GALNT9: variants seen among roughly 807,000 people sequenced by gnomAD.
The protein encoded by GALNT9 is polypeptide N-acetylgalactosaminyltransferase 9, also known as GalNAc transferase 9.
In GALNT9, 47 loss-of-function variants were observed where a neutral mutation model predicts 63.1. The ratio of observed to expected loss-of-function variants is 0.75; its 90% CI spans 0.59 to 0.95. The LOEUF (loss-of-function observed/expected upper bound fraction) is 0.95, where lower values mean the gene tolerates loss of function less well. GALNT9 is among the 40% of genes least tolerant of loss of function. The probability of loss-of-function intolerance (pLI) is 0.00; values close to 1 mark genes in which losing one functional copy is unlikely to be tolerated. For missense variants in GALNT9, 829 were observed against 874.8 expected, an observed-to-expected ratio of 0.95 and a Z score of 0.66; for synonymous variants, 396 against 365.7, an observed-to-expected ratio of 1.08 and a Z score of -0.94.
Position 132,237,864 on chromosome 12 carries a change from C to A in GALNT9, c.1077+10046G>T, listed in dbSNP as rs1878063021. Among the ~76,000 whole-genome samples, 5 of 152,248 alleles carry A rather than the reference C, an allele frequency of 3.3e-5. No homozygotes were observed. In the South Asian group the frequency reaches 1.0e-3, roughly 32 times the overall value. On this transcript the variant is annotated intron_variant, in intron 6 of 10. Coordinates refer to ENST00000328957, the MANE Select transcript of GALNT9 (RefSeq NM_001122636.2). ...TGCGGTGGAGGTTGGGGGGTGGAAC[C>A]CTCCATCTGTGGCATGTGACCCAAA...
intron 8 of GALNT9, 48 bp from the exon 9 acceptor site, chr12:132,199,317 G>GCCCCAGGGAGCA (rs753649234): frequency 1.5e-6 from 2 of 1,373,380 alleles, no homozygotes; most frequent in African/African-American, 2.8e-5. Context: ...CCGAGGGTGC[G>GCCCCAGGGAGCA]GCCCCAGGGA....
chr12:132,271,204 G>T (rs1226081987), intron 2 of GALNT9, among the ~76,000 whole-genome samples: 4 of 152,076 alleles, frequency 2.6e-5, no homozygotes, highest in Non-Finnish European at 4.4e-5. Flanking sequence ...TGAACAGCCT[G>T]TGTGTGTCTC....
intron 2 of GALNT9, among the ~76,000 whole-genome samples, chr12:132,268,785 C>T (rs1357740129): frequency 6.6e-6 from 1 of 152,156 alleles, no homozygotes; most frequent in Non-Finnish European, 1.5e-5. Flanking sequence ...CGCAGGTGCC[C>T]CCCTCGGCGG....
At chr12:132,210,033 C>G (rs73166851) in intron 6 of GALNT9, among the ~76,000 whole-genome samples, 3 of 152,180 alleles carry the variant, frequency 2.0e-5, no homozygotes, top group Non-Finnish European at 4.4e-5. Context: ...GATGGGGACC[C>G]CTTTCTGGTC....
chr12:132,222,376 A>G (rs1455453048), intron 6 of GALNT9, among the ~76,000 whole-genome samples: 41 of 152,042 alleles, frequency 2.7e-4, no homozygotes, highest in South Asian at 2.1e-4. Context: ...CCAGGAGTTC[A>G]AGGCCAGCCT....
chr12:132,235,186 G>T (rs1003239259), intron 6 of GALNT9, among the ~76,000 whole-genome samples: 15 of 150,380 alleles, frequency 1.0e-4, no homozygotes, highest in African/African-American at 3.7e-4. Context: ...AGCCCCTAGT[G>T]CCACACACTC....
intron 5 of GALNT9, among the ~76,000 whole-genome samples, chr12:132,248,708 C>A (rs1878806253): frequency 6.6e-6 from 1 of 152,248 alleles, no homozygotes; most frequent in Non-Finnish European, 1.5e-5. Context: ...ACAGCCTGTG[C>A]AGCTATGTGC....
chr12:132,196,742 C>G lies in GALNT9; in HGVS notation c.*365G>C. On this transcript the variant is annotated 3_prime_UTR_variant, in exon 11 of 11. Coordinates refer to ENST00000328957, the MANE Select transcript of GALNT9 (RefSeq NM_001122636.2). ...CGGGTGGAAGACACCAGGGTGCAGC[C>G]TGGTGCATGGTCCGGGGCTTGGCCT... 9.7e-7 allele frequency: 1 copy of G among 1,033,448 alleles called. No homozygotes were observed. The highest frequency in any genetic ancestry group is 1.7e-5 in the African/African-American group (1 of 58,590). The allele number at this position is 1,033,448 out of a possible 1,614,324, so 64.0% of individuals were successfully genotyped here. A position where few individuals can be genotyped will look rare whatever the true frequency, so the allele number is the denominator to read the frequency against.
intron 2 of GALNT9, chr12:132,274,438 G>C (rs1394144239): frequency 3.3e-5 from 5 of 152,300 alleles, no homozygotes; most frequent in Non-Finnish European, 5.9e-5. Flanking sequence ...CTGCTGCTCT[G>C]CCTCTCCCAC....
intron 1 of GALNT9, among the ~76,000 whole-genome samples, chr12:132,290,716 T>C (rs1301179705): frequency 1.9e-4 from 6 of 31,064 alleles, no homozygotes; most frequent in Admixed American, 6.8e-4. Context: ...CACGTCCACA[T>C]CACCCACGTC....
At chr12:132,249,598 CA>C (rs1463238221) in intron 5 of GALNT9, among the ~76,000 whole-genome samples, 2 of 152,190 alleles carry the variant, frequency 1.3e-5, no homozygotes, top group Admixed American at 6.5e-5. Context: ...TCATATACAA[CA>C]GGTATTTCTC....
At chr12:132,290,306 C>T (rs972729138) in intron 1 of GALNT9, among the ~76,000 whole-genome samples, 12 of 152,154 alleles carry the variant, frequency 7.9e-5, no homozygotes, top group Admixed American at 3.3e-4. Context: ...ACAGGCCTCG[C>T]CATGCAGAGC....
chr12:132,325,032 G>A (rs1200825845), intron 1 of GALNT9, among the ~76,000 whole-genome samples: 1 of 151,968 alleles, frequency 6.6e-6, no homozygotes, highest in Admixed American at 6.5e-5. Context: ...GGCCATGCAC[G>A]GGCACAGCTT....
At chr12:132,210,434 A>G (rs114984782) in intron 6 of GALNT9, among the ~76,000 whole-genome samples, 7 of 152,278 alleles carry the variant, frequency 4.6e-5, no homozygotes, top group African/African-American at 9.6e-5. Context: ...TGAAACTGTC[A>G]TCTAGAGGGG....
chr12:132,300,766 C>A (rs888742810), intron 1 of GALNT9, among the ~76,000 whole-genome samples: 7 of 151,246 alleles, frequency 4.6e-5, no homozygotes, highest in Non-Finnish European at 8.8e-5. Flanking sequence ...TAACTCACTC[C>A]CATGATAACT....
At position 132,286,471 on chromosome 12, in the gene GALNT9, C is replaced by G; in HGVS notation, c.239-41G>C. 1 of 1,521,212 alleles carries G rather than the reference C, an allele frequency of 6.6e-7. No homozygotes were observed. The highest frequency in any genetic ancestry group is 1.2e-5 in the South Asian group (1 of 80,422). The allele number at this position is 1,521,212 out of a possible 1,614,324, so 94.2% of individuals were successfully genotyped here. On this transcript the variant is annotated intron_variant, in intron 1 of 10. Transcript: ENST00000328957. This position sits in a 1 kb window ranked among gnomAD's most constrained non-coding sequence, Gnocchi z 7.4. ...AGAGGGAGGTCAGGCAGGCCCAGGA[C>G]ACGCTGCGTCTGCACCCAGGAGACG...
chr12:132,304,294 C>T (rs1345242215), intron 1 of GALNT9, among the ~76,000 whole-genome samples: 1 of 94,470 alleles, frequency 1.1e-5, no homozygotes, highest in South Asian at 4.7e-4. Flanking sequence ...CACCCTCGCC[C>T]GGACACACCC....
rs1244183990 is a variant in GALNT9 at position 132,327,717 on chromosome 12, G to A, written c.238+1249C>T. Among the ~76,000 whole-genome samples the A allele has an allele frequency of 6.6e-6, 1 of 152,168 alleles. No homozygotes were observed. The highest frequency in any genetic ancestry group is 2.4e-5 in the African/African-American group (1 of 41,446). ...CAAGCACAGCTCTGCGGGAAAGTCA[G>A]GGATTCTGTGGGTGATGGGAAGGCG... On this transcript the variant is annotated intron_variant, in intron 1 of 10. Coordinates refer to ENST00000328957, the MANE Select transcript of GALNT9 (RefSeq NM_001122636.2). The surrounding 1 kb of genome is among the most constrained non-coding windows in gnomAD (Gnocchi z 4.3).
At chr12:132,214,277 C>T (rs959730204) in intron 6 of GALNT9, among the ~76,000 whole-genome samples, 26 of 152,352 alleles carry the variant, frequency 1.7e-4, no homozygotes, top group African/African-American at 5.8e-4. Context: ...GCGACTCCAC[C>T]GTCAGCAGGA....
Sources: allele counts gnomAD v4.1 joint callset (sites outside exome capture counted in the v4.1 genomes callset), GRCh38; gene constraint gnomAD v4.1.1; non-coding constraint Gnocchi (gnomAD v3.1); transcripts MANE v1.5; gene names NCBI Gene and HGNC (gene_info 2026-07-23, HGNC 2026-07-21).